TRAPPC12: variants seen among roughly 807,000 people sequenced by gnomAD.
TRAPPC12 encodes the protein TPR repeat protein 15.
Under a neutral mutation model 69.2 loss-of-function variants are expected in TRAPPC12, and 61 were observed. The observed-to-expected ratio is 0.88, with a 90% CI of 0.72 to 1.09. TRAPPC12 has a LOEUF of 1.09. Ranked by LOEUF, TRAPPC12 falls within the 50% of genes least tolerant of loss-of-function variation. The pLI, the probability that TRAPPC12 is intolerant of heterozygous loss-of-function variation, is 0.00. For missense variants in TRAPPC12, 1,101 were observed against 1,016.4 expected, an observed-to-expected ratio of 1.08 and a Z score of -1.13; for synonymous variants, 469 against 438.9, an observed-to-expected ratio of 1.07 and a Z score of -0.86.
chr2:3,436,725 C>T (rs1345201104), intron 5 of TRAPPC12, among the ~76,000 whole-genome samples: 4 of 149,524 alleles, frequency 2.7e-5, no homozygotes, highest in African/African-American at 7.4e-5. Context: ...AATCCCCCCA[C>T]CACCCCTGGA....
chr2:3,458,474 TTC>T, intron 7 of TRAPPC12: 1 of 985,746 alleles, frequency 1.0e-6, no homozygotes, highest in Non-Finnish European at 1.2e-6. Flanking sequence ...GTGCTGGGGT[TTC>T]TGGGGAACTG....
In TRAPPC12 at chr2:3,388,524, A is replaced by G. The variant is rs11686212; in HGVS notation, c.901A>G (p.Ser301Gly). 0.39 allele frequency: 626,574 copies of G among 1,612,426 alleles called. 125,037 individuals carry two copies. The highest frequency in any genetic ancestry group is 0.61 in the East Asian group (27,283 of 44,792). ...CCCCTTTGCCACCGCCCTGAGCATG[A>G]GCGAGATGGACCGGAGGAACGACGC... is the stretch of plus-strand genomic sequence containing the variant. ...DDPFATALSM[S>G]EMDRRNDAWL... Residue 301 changes from serine (S) to glycine (G), a missense_variant, in exon 2 of 12, where the codon AGC (serine) becomes GGC (glycine). Physicochemically the swap from Ser to Gly is moderately conservative, Grantham distance 56. Coordinates refer to ENST00000324266, the MANE Select transcript of TRAPPC12 (RefSeq NM_016030.6).
At chr2:3,404,351 A>T (rs1316012867) in intron 3 of TRAPPC12, among the ~76,000 whole-genome samples, 3 of 152,194 alleles carry the variant, frequency 2.0e-5, no homozygotes, top group Non-Finnish European at 1.5e-5. Context: ...AAAGGAAAAA[A>T]TATAGAATCC....
chr2:3,442,755 A>G (rs1212958667), intron 5 of TRAPPC12, among the ~76,000 whole-genome samples: 1 of 152,234 alleles, frequency 6.6e-6, no homozygotes. Context: ...ATTCTCAGTA[A>G]TGGTTAATGA....
At chr2:3,463,012 C>T (rs1665593967) in intron 8 of TRAPPC12, 2 of 462,116 alleles carry the variant, frequency 4.3e-6, no homozygotes, top group African/African-American at 2.0e-5. Context: ...GGCCTGTAAA[C>T]ACGTGTGGCT....
At chr2:3,458,098 G>T in intron 7 of TRAPPC12, 1 of 1,031,802 alleles carries the variant, frequency 9.7e-7, no homozygotes, top group South Asian at 3.7e-5. Flanking sequence ...GCTCGGGAGG[G>T]TGCTTCAGGA....
chr2:3,411,538 A>G (rs181317129), intron 3 of TRAPPC12, among the ~76,000 whole-genome samples: 152 of 152,374 alleles, frequency 1.0e-3, no homozygotes, highest in Non-Finnish European at 1.6e-3. Context: ...GTGTGTGCAT[A>G]TCTATACTAT....
At chr2:3,402,067 A>G (rs1661473789) in intron 3 of TRAPPC12, among the ~76,000 whole-genome samples, 174 bp downstream of exon 3, 1 of 152,216 alleles carries the variant, frequency 6.6e-6, no homozygotes, top group Non-Finnish European at 1.5e-5. Flanking sequence ...ATATTAATAC[A>G]TGGATACTTT....
intron 2 of TRAPPC12, among the ~76,000 whole-genome samples, chr2:3,396,838 C>T (rs62120476): frequency 0.16 from 24,384 of 152,042 alleles, 2,263 homozygotes; most frequent in Non-Finnish European, 0.21. Flanking sequence ...CTCTTGAGAA[C>T]ATTTATAAGA....
chr2:3,402,005 A>G (rs952440268), intron 3 of TRAPPC12, 112 bp downstream of exon 3: 37 of 752,380 alleles, frequency 4.9e-5, no homozygotes, highest in African/African-American at 4.5e-4. Context: ...GCTCTTGCAC[A>G]TAAGTAGAAT....
intron 6 of TRAPPC12, among the ~76,000 whole-genome samples, chr2:3,447,340 C>T (rs1318311948): frequency 6.6e-6 from 1 of 152,208 alleles, no homozygotes; most frequent in East Asian, 1.9e-4. Flanking sequence ...TCAAATGATC[C>T]ACCCGCCTTG....
chr2:3,422,134 T>C, intron 4 of TRAPPC12, 140 bp downstream of exon 4: 1 of 708,830 alleles, frequency 1.4e-6, no homozygotes, highest in Admixed American at 2.6e-5. Context: ...ATATTGTATA[T>C]ACTATACTGG....
intron 2 of TRAPPC12, among the ~76,000 whole-genome samples, chr2:3,396,228 T>C (rs920887076): frequency 6.7e-6 from 1 of 149,192 alleles, no homozygotes; most frequent in African/African-American, 2.5e-5. Context: ...TGTAGAATTC[T>C]AGGTTGACAG....
chr2:3,470,918 C>T (rs527262262), intron 9 of TRAPPC12, among the ~76,000 whole-genome samples: 1 of 152,314 alleles, frequency 6.6e-6, no homozygotes, highest in East Asian at 1.9e-4. Context: ...GGTGGACGGA[C>T]AGCAAGGTTC....
chr2:3,478,138 G>A (rs1666378969), intron 10 of TRAPPC12: 2 of 90,190 alleles, frequency 2.2e-5, no homozygotes, highest in African/African-American at 8.0e-5. Context: ...TCTGGATCCC[G>A]TGCTCTGGTG....
intron 6 of TRAPPC12, among the ~76,000 whole-genome samples, chr2:3,451,863 C>T (rs1421258728): frequency 6.6e-6 from 1 of 152,186 alleles, no homozygotes; most frequent in Non-Finnish European, 1.5e-5. Flanking sequence ...AACCCTCCAA[C>T]ATGTTTCAGT....
At chr2:3,439,674 A>G (rs1205643169) in intron 5 of TRAPPC12, among the ~76,000 whole-genome samples, 2 of 152,184 alleles carry the variant, frequency 1.3e-5, no homozygotes, top group Non-Finnish European at 2.9e-5. Context: ...TGGACAGAGC[A>G]TACGTGTTTA....
intron 3 of TRAPPC12, among the ~76,000 whole-genome samples, chr2:3,404,262 T>C (rs1011085198): frequency 5.3e-5 from 8 of 152,182 alleles, no homozygotes; most frequent in African/African-American, 1.9e-4. Flanking sequence ...GTCCCTCTCT[T>C]CTGATTTTAA....
At chr2:3,443,408 G>A (rs535107278) in intron 5 of TRAPPC12, among the ~76,000 whole-genome samples, 6 of 152,340 alleles carry the variant, frequency 3.9e-5, no homozygotes, top group Admixed American at 2.0e-4. Flanking sequence ...CCTACCATTC[G>A]AGCTTGCTAA....
Sources: allele counts gnomAD v4.1 joint callset (sites outside exome capture counted in the v4.1 genomes callset), GRCh38; gene constraint gnomAD v4.1.1; transcripts MANE v1.5; gene names NCBI Gene and HGNC (gene_info 2026-07-23, HGNC 2026-07-21).